MAP4K4: variants seen among roughly 807,000 people sequenced by gnomAD.
The protein encoded by MAP4K4 is HPK/GCK-like kinase HGK.
In MAP4K4, 38 loss-of-function variants were observed where a neutral mutation model predicts 189.6. That is an observed-to-expected ratio of 0.20 (90% CI 0.15 to 0.26). The LOEUF (loss-of-function observed/expected upper bound fraction) is 0.26, where lower values mean the gene tolerates loss of function less well. MAP4K4 is among the 10% of genes least tolerant of loss of function. The probability of loss-of-function intolerance (pLI) is 1.00; values close to 1 mark genes in which losing one functional copy is unlikely to be tolerated. For missense variants in MAP4K4, 1,054 were observed against 1,726.9 expected (o/e 0.61, Z 6.91); for synonymous variants, 610 against 624.3 (o/e 0.98, Z 0.34).
chr2:101,869,375 G>A (rs2097914663), intron 21 of MAP4K4, among the ~76,000 whole-genome samples: 1 of 150,482 alleles, frequency 6.6e-6, no homozygotes, highest in Admixed American at 6.6e-5. Context: ...ATTGTCATGG[G>A]ATTTGAACTG....
At chr2:101,748,910 T>C (rs1459448259) in intron 2 of MAP4K4, among the ~76,000 whole-genome samples, 2 of 140,664 alleles carry the variant, frequency 1.4e-5, no homozygotes, top group East Asian at 2.0e-4. Context: ...CCATTCACAA[T>C]TGCTTCAAAG....
At chr2:101,880,262 G>A (rs1215114297) in intron 27 of MAP4K4, among the ~76,000 whole-genome samples, 3 of 151,938 alleles carry the variant, frequency 2.0e-5, no homozygotes, top group Admixed American at 2.0e-4. Context: ...AAAAGTCATT[G>A]CCAAATCCAG....
chr2:101,750,066 T>C (rs971300650), intron 2 of MAP4K4, among the ~76,000 whole-genome samples: 2 of 149,960 alleles, frequency 1.3e-5, no homozygotes, highest in Admixed American at 1.3e-4. Flanking sequence ...TTGGTGGGAC[T>C]GTAAATTAGT....
intron 2 of MAP4K4, among the ~76,000 whole-genome samples, chr2:101,727,708 C>T (rs904250609): frequency 2.0e-5 from 3 of 152,230 alleles, no homozygotes; most frequent in Admixed American, 1.3e-4. Flanking sequence ...GTGGCTCATG[C>T]CTGTAATCCC....
intron 2 of MAP4K4, among the ~76,000 whole-genome samples, chr2:101,777,589 T>C (rs1034882870): frequency 2.6e-5 from 4 of 152,194 alleles, no homozygotes; most frequent in African/African-American, 7.2e-5. Context: ...GACCACGCAG[T>C]GTAAATGCAA....
intron 7 of MAP4K4, among the ~76,000 whole-genome samples, chr2:101,833,455 C>G (rs1389103419): frequency 6.6e-6 from 1 of 151,770 alleles, no homozygotes; most frequent in East Asian, 1.9e-4. Flanking sequence ...CCCATCTTTA[C>G]TAAAAATACA....
chr2:101,778,159 T>C (rs1420376782), intron 2 of MAP4K4, among the ~76,000 whole-genome samples: 1 of 152,138 alleles, frequency 6.6e-6, no homozygotes, highest in Non-Finnish European at 1.5e-5. Context: ...CCTGTGGGTC[T>C]GGGGGGACCC....
At chr2:101,876,928 G>A (rs1007782372) in intron 26 of MAP4K4, 75 bp from the exon 27 acceptor site, 3 of 1,476,448 alleles carry the variant, frequency 2.0e-6, no homozygotes, top group Non-Finnish European at 1.9e-6. Context: ...AATAGATGAT[G>A]TTATCCTTTC....
chr2:101,843,386 T>C (rs1046643822), intron 11 of MAP4K4, among the ~76,000 whole-genome samples: 2 of 152,208 alleles, frequency 1.3e-5, no homozygotes, highest in Non-Finnish European at 2.9e-5. Context: ...TAATCTCTCT[T>C]TCTTCTTATG....
At chr2:101,776,498 T>A (rs2084194643) in intron 2 of MAP4K4, among the ~76,000 whole-genome samples, 1 of 150,684 alleles carries the variant, frequency 6.6e-6, no homozygotes, top group African/African-American at 2.4e-5. Flanking sequence ...AAGCTAGAAA[T>A]CTGGGTTTAA....
chr2:101,704,569 T>A (rs1280226045), intron 2 of MAP4K4, among the ~76,000 whole-genome samples: 8 of 35,028 alleles, frequency 2.3e-4, no homozygotes, highest in African/African-American at 4.6e-4. Context: ...ATATATATAT[T>A]TTTTTTTTTT....
intron 9 of MAP4K4, among the ~76,000 whole-genome samples, chr2:101,837,333 G>C (rs1468106420): frequency 6.6e-6 from 1 of 151,766 alleles, no homozygotes; most frequent in African/African-American, 2.4e-5. Context: ...CTTCATACCA[G>C]TTTTCTTCAT....
intron 2 of MAP4K4, among the ~76,000 whole-genome samples, chr2:101,751,099 G>A (rs1558727406): frequency 6.6e-6 from 1 of 152,158 alleles, no homozygotes; most frequent in Non-Finnish European, 1.5e-5. Context: ...CCCTCTGTTG[G>A]TGTGTTGGAA....
At chr2:101,775,034 CT>C (rs77977516) in intron 2 of MAP4K4, among the ~76,000 whole-genome samples, 1,356 of 129,020 alleles carry the variant, frequency 0.011, 5 homozygotes, top group African/African-American at 0.016. Flanking sequence ...CCTATCCCCT[CT>C]TTTTTTTTTT....
At chr2:101,729,124 G>GTA (rs1216240252) in intron 2 of MAP4K4, among the ~76,000 whole-genome samples, 2 of 151,878 alleles carry the variant, frequency 1.3e-5, no homozygotes. Context: ...GTGTGTGTGT[G>GTA]TGTGTGTCCT....
intron 2 of MAP4K4, among the ~76,000 whole-genome samples, chr2:101,766,955 C>A (rs1278804955): frequency 1.3e-5 from 2 of 152,134 alleles, no homozygotes; most frequent in Non-Finnish European, 2.9e-5. Context: ...GGCCTGGTTA[C>A]AGAATTTTCT....
intron 20 of MAP4K4, 32 bp from the exon 21 acceptor site, chr2:101,867,997 C>T (rs774338335): frequency 3.2e-5 from 52 of 1,612,876 alleles, no homozygotes; most frequent in East Asian, 4.5e-5. Context: ...ACGATGGCTT[C>T]TCGGACTCCA....
chr2:101,797,889 G>GAGTTTTTTT, intron 3 of MAP4K4, among the ~76,000 whole-genome samples: 1 of 52,326 alleles, frequency 1.9e-5, no homozygotes, highest in African/African-American at 7.6e-5. Context: ...CATTCTTTTA[G>GAGTTTTTTT]TTTTTTTTTT....
chr2:101,815,411 G>A (rs1171286842), intron 3 of MAP4K4, among the ~76,000 whole-genome samples: 4 of 152,202 alleles, frequency 2.6e-5, no homozygotes, highest in East Asian at 3.9e-4. Flanking sequence ...CCCAACAGAC[G>A]TAATAGTTTA....
Sources: gnomAD v4.1 joint callset for allele counts (sites outside exome capture counted in the v4.1 genomes callset) on GRCh38, gnomAD v4.1.1 for gene constraint, MANE v1.5 for transcripts, NCBI Gene and HGNC (gene_info 2026-07-23, HGNC 2026-07-21) for gene names.